The following GPHN variants were observed in gnomAD, a reference collection of about 807,000 sequenced individuals.
GPHN encodes the protein gephyrin.
Under a neutral mutation model 95.5 loss-of-function variants are expected in GPHN, and 17 were observed. The observed-to-expected ratio is 0.18, with a 90% CI of 0.12 to 0.27. The LOEUF (loss-of-function observed/expected upper bound fraction) is 0.27, where lower values mean the gene tolerates loss of function less well. Among genes scored for constraint, GPHN ranks in the 10% least tolerant of loss-of-function variants. GPHN has a pLI of 1.00. For missense variants in GPHN, 660 were observed against 978.1 expected, an observed-to-expected ratio of 0.67 and a Z score of 4.34; for synonymous variants, 320 against 322.5, an observed-to-expected ratio of 0.99 and a Z score of 0.08.
At chr14:67,206,514 C>A in the GPHN span, among the ~76,000 whole-genome samples, 31 of 151,676 alleles carry the variant, frequency 2.0e-4, no homozygotes, top group Non-Finnish European at 2.8e-4. Context: ...AACAAACAAA[C>A]AAAAAAACCT....
At chr14:66,775,483 A>G (rs1405613458) in intron 2 of GPHN, among the ~76,000 whole-genome samples, 2 of 152,200 alleles carry the variant, frequency 1.3e-5, no homozygotes, top group South Asian at 2.1e-4. Flanking sequence ...ATTAACTTTA[A>G]TAATATATTT....
the GPHN span, among the ~76,000 whole-genome samples, chr14:67,422,431 CTG>C: frequency 2.0e-5 from 3 of 152,172 alleles, no homozygotes; most frequent in Admixed American, 6.5e-5. Context: ...GTAATACACT[CTG>C]TGTGAATTTG....
the GPHN span, among the ~76,000 whole-genome samples, chr14:67,318,994 CT>C: frequency 2.0e-5 from 3 of 151,254 alleles, no homozygotes; most frequent in African/African-American, 7.3e-5. Flanking sequence ...GGAGGCGGAG[CT>C]TGCAGTGAGC....
the GPHN span, among the ~76,000 whole-genome samples, chr14:67,626,041 G>A: frequency 6.6e-6 from 1 of 152,036 alleles, no homozygotes; most frequent in African/African-American, 2.4e-5. Context: ...ATCATTTCAG[G>A]TCAGGAGTTC....
intron 4 of GPHN, among the ~76,000 whole-genome samples, chr14:66,838,390 A>C (rs1160221553): frequency 6.6e-6 from 1 of 152,128 alleles, no homozygotes; most frequent in Admixed American, 6.6e-5. Context: ...GAAAAATCAA[A>C]CAAGATAGAA....
chr14:66,977,249 G>A (rs1594702324), intron 9 of GPHN, among the ~76,000 whole-genome samples: 2 of 152,112 alleles, frequency 1.3e-5, no homozygotes, highest in East Asian at 1.9e-4. Context: ...GACTAACACG[G>A]AGAAACCCTG....
intron 5 of GPHN, among the ~76,000 whole-genome samples, chr14:66,915,016 T>C (rs944198984): frequency 6.6e-6 from 1 of 152,116 alleles, no homozygotes; most frequent in Non-Finnish European, 1.5e-5. Context: ...GTTTTTCTAG[T>C]AAGAAGAAGG....
At chr14:67,729,232 C>A in the GPHN span, 5 of 1,611,396 alleles carry the variant, frequency 3.1e-6, no homozygotes, top group Non-Finnish European at 3.4e-6. Context: ...AGGCGTCGTC[C>A]GCTCTGAGCT....
At chr14:66,576,865 A>G (rs980828077) in intron 1 of GPHN, among the ~76,000 whole-genome samples, 3 of 152,276 alleles carry the variant, frequency 2.0e-5, no homozygotes, top group Admixed American at 1.3e-4. Flanking sequence ...ATGAATTCCA[A>G]CCATTTAAAT....
the GPHN span, among the ~76,000 whole-genome samples, chr14:67,671,659 A>G: frequency 6.6e-6 from 1 of 152,274 alleles, no homozygotes; most frequent in African/African-American, 2.4e-5. Context: ...TTGCTATAAC[A>G]GAATAGCTGA....
At chr14:67,200,190 T>A in the GPHN span, 3 of 1,148,702 alleles carry the variant, frequency 2.6e-6, no homozygotes, top group South Asian at 4.9e-5. Context: ...GTGGACTTCC[T>A]CCACTGATGC....
At chr14:67,342,732 T>C in the GPHN span, among the ~76,000 whole-genome samples, 2 of 150,900 alleles carry the variant, frequency 1.3e-5, no homozygotes, top group South Asian at 2.1e-4. Context: ...TATCATATTA[T>C]ACATAGTTAA....
chr14:67,631,846 C>T, the GPHN span, among the ~76,000 whole-genome samples: 544 of 152,110 alleles, frequency 3.6e-3, 5 homozygotes, highest in African/African-American at 0.012. Flanking sequence ...TTTACTGTCA[C>T]CTGTATGCTG....
At chr14:66,800,117 C>G (rs2060292884) in intron 3 of GPHN, among the ~76,000 whole-genome samples, 2 of 152,078 alleles carry the variant, frequency 1.3e-5, no homozygotes, top group Admixed American at 1.3e-4. Context: ...TATCCCTCCA[C>G]TGTTTAACTT....
At chr14:67,395,479 A>C in the GPHN span, 1 of 1,614,088 alleles carries the variant, frequency 6.2e-7, no homozygotes, top group Non-Finnish European at 8.5e-7. Context: ...GCTGCCCTGC[A>C]TGAATAGCCC....
the GPHN span, chr14:67,651,646 G>GT: frequency 3.2e-6 from 2 of 623,416 alleles, no homozygotes; most frequent in Non-Finnish European, 5.3e-6. Context: ...CTGTCACTTA[G>GT]GGATAACACT....
chr14:67,242,406 G>T, the GPHN span, among the ~76,000 whole-genome samples: 2 of 152,226 alleles, frequency 1.3e-5, no homozygotes, highest in South Asian at 4.1e-4. Context: ...TTGAAATTTT[G>T]ATTTGACTGA....
At chr14:66,815,196 G>A (rs1331360931) in intron 3 of GPHN, among the ~76,000 whole-genome samples, 1 of 152,154 alleles carries the variant, frequency 6.6e-6, no homozygotes, top group East Asian at 1.9e-4. Flanking sequence ...CGACTGATTG[G>A]TGTCTCTGAA....
chr14:66,739,113 A>G (rs1413010205), intron 2 of GPHN, among the ~76,000 whole-genome samples: 1 of 152,120 alleles, frequency 6.6e-6, no homozygotes, highest in East Asian at 1.9e-4. Context: ...GGGGCTTAAG[A>G]AAAGTATCTG....
Sources: allele counts gnomAD v4.1 joint callset (sites outside exome capture counted in the v4.1 genomes callset), GRCh38; gene constraint gnomAD v4.1.1; transcripts MANE v1.5; gene names NCBI Gene and HGNC (gene_info 2026-07-23, HGNC 2026-07-21).